CRPPA: variants seen among roughly 807,000 people sequenced by gnomAD.
CRPPA encodes the protein D-ribitol-5-phosphate cytidylyltransferase.
In CRPPA, 43 loss-of-function variants were observed where a neutral mutation model predicts 52.0. The observed-to-expected ratio is 0.83, with a 90% CI of 0.65 to 1.07. The LOEUF is 1.07. Ranked by LOEUF, CRPPA falls within the 50% of genes least tolerant of loss-of-function variation. The probability of loss-of-function intolerance (pLI) is 0.00; values close to 1 mark genes in which losing one functional copy is unlikely to be tolerated. For synonymous variants in CRPPA, 250 were observed against 203.5 expected, an observed-to-expected ratio of 1.23 and a Z score of -1.94; for missense variants, 629 against 551.7, an observed-to-expected ratio of 1.14 and a Z score of -1.40.
chr7:16,318,561 C>T (rs1785194864), intron 3 of CRPPA, among the ~76,000 whole-genome samples: 1 of 152,190 alleles, frequency 6.6e-6, no homozygotes, highest in African/African-American at 2.4e-5. Context: ...TCACTTCTCA[C>T]TCACACAGTT....
At chr7:16,164,316 T>C (rs1199316293) in intron 9 of CRPPA, among the ~76,000 whole-genome samples, 2 of 152,240 alleles carry the variant, frequency 1.3e-5, no homozygotes, top group Non-Finnish European at 2.9e-5. Flanking sequence ...AAGATACTTG[T>C]GTATGATTCA....
At chr7:16,099,000 C>G (rs1412151838) in intron 9 of CRPPA, among the ~76,000 whole-genome samples, 1 of 152,172 alleles carries the variant, frequency 6.6e-6, no homozygotes, top group Non-Finnish European at 1.5e-5. Context: ...CATCGCACAA[C>G]AGTTTTAGTC....
At chr7:16,356,683 C>A (rs892789600) in intron 3 of CRPPA, among the ~76,000 whole-genome samples, 1 of 152,210 alleles carries the variant, frequency 6.6e-6, no homozygotes, top group East Asian at 1.9e-4. Context: ...TTTACCCTTT[C>A]CACATCTGTC....
At chr7:16,387,072 T>TATATATATATATACACAC (rs1787302485) in intron 2 of CRPPA, among the ~76,000 whole-genome samples, 1 of 71,990 alleles carries the variant, frequency 1.4e-5, no homozygotes, top group African/African-American at 6.3e-5. Flanking sequence ...TATATATATA[T>TATATATATATATACACAC]ATATATATAT....
intron 3 of CRPPA, among the ~76,000 whole-genome samples, chr7:16,314,258 T>A (rs1439417963): frequency 6.6e-6 from 1 of 152,000 alleles, no homozygotes; most frequent in African/African-American, 2.4e-5. Flanking sequence ...GTAATGCCCC[T>A]TTAGTAAATG....
intron 3 of CRPPA, among the ~76,000 whole-genome samples, chr7:16,331,270 A>T (rs1785546881): frequency 6.6e-6 from 1 of 152,200 alleles, no homozygotes; most frequent in Non-Finnish European, 1.5e-5. Flanking sequence ...AAGTGCTGGG[A>T]TTACAGGCGT....
chr7:16,288,415 T>C (rs1784492773), intron 5 of CRPPA, among the ~76,000 whole-genome samples: 2 of 151,898 alleles, frequency 1.3e-5, no homozygotes, highest in Non-Finnish European at 2.9e-5. Context: ...TTAAAAAATA[T>C]CTTTAACATA....
chr7:16,382,759 T>G (rs566087905), intron 2 of CRPPA, among the ~76,000 whole-genome samples: 1 of 152,124 alleles, frequency 6.6e-6, no homozygotes, highest in Non-Finnish European at 1.5e-5. Context: ...CCATCGCTGA[T>G]ACCCTTTCTT....
At chr7:16,269,134 C>T (rs1011006656) in intron 6 of CRPPA, 1 of 152,196 alleles carries the variant, frequency 6.6e-6, no homozygotes, top group Non-Finnish European at 1.5e-5. Flanking sequence ...GTTCATCATG[C>T]TCTCATCTTT....
chr7:16,229,526 A>G (rs1782736683), intron 8 of CRPPA, among the ~76,000 whole-genome samples: 1 of 142,684 alleles, frequency 7.0e-6, no homozygotes, highest in Non-Finnish European at 1.6e-5. Flanking sequence ...TGATTTTAAC[A>G]ACAAAAACAC....
chr7:16,094,950 C>T (rs529351543), intron 9 of CRPPA, among the ~76,000 whole-genome samples: 1 of 152,144 alleles, frequency 6.6e-6, no homozygotes, highest in East Asian at 1.9e-4. Context: ...AACAGAAAAA[C>T]ACATTAGGTA....
intron 3 of CRPPA, among the ~76,000 whole-genome samples, chr7:16,322,091 T>C (rs1785277520): frequency 6.6e-6 from 1 of 152,134 alleles, no homozygotes; most frequent in Admixed American, 6.6e-5. Flanking sequence ...ATTCCTGATT[T>C]TAAGTCACTC....
Position 16,418,217 on chromosome 7 carries a change from C to T in CRPPA, c.257+2849G>A, listed in dbSNP as rs548431324. On this transcript the variant is annotated intron_variant, in intron 1 of 9. Transcript: ENST00000407010. ...CTTTCTAAGGACTTCCTAGGATATA[C>T]CCAAAATATAATCATGTTCCATAAG... 7.9e-5 allele frequency among the ~76,000 whole-genome samples: 12 copies of T among 152,190 alleles called. No individual in the cohort carries two copies. The East Asian group carries it at 1.5e-3, about 20-fold the overall frequency.
rs535483466 is a variant in CRPPA, at chr7:16,132,304, A to G, written c.1252-40505T>C. 2.4e-5 allele frequency among the ~76,000 whole-genome samples: 3 copies of G among 125,172 alleles called. 1 individual carries two copies. Among genetic ancestry groups the G allele is most frequent in the African/African-American group, 7.8e-5 (3 of 38,664 alleles). 82.1% of individuals were successfully genotyped at this position (125,172 alleles called of 152,430 possible). On this transcript the variant is annotated intron_variant, in intron 9 of 9. Transcript: ENST00000407010. The stretch of plus-strand genomic sequence containing the variant: ...CATTATTGTATTTTGGAAACATATA[A>G]CATGTTTGTTTCACAGGTTCCCAGC...
chr7:16,092,761 C>T (rs146207102), intron 9 of CRPPA, among the ~76,000 whole-genome samples: 150 of 152,270 alleles, frequency 9.9e-4, no homozygotes, highest in Middle Eastern at 3.4e-3. Context: ...TACTTTTAAA[C>T]CTCAGGATAA....
intron 2 of CRPPA, among the ~76,000 whole-genome samples, chr7:16,396,005 G>C (rs1223590144): frequency 6.6e-6 from 1 of 152,106 alleles, no homozygotes; most frequent in African/African-American, 2.4e-5. Context: ...CTTGGTCCAG[G>C]CAATTTACCC....
chr7:16,311,395 T>C (rs2128425363), intron 3 of CRPPA, among the ~76,000 whole-genome samples: 1 of 152,220 alleles, frequency 6.6e-6, no homozygotes, highest in African/African-American at 2.4e-5. Flanking sequence ...GCCTCCATAA[T>C]TTGTCTTTTC....
chr7:16,122,959 A>C (rs2128370337), intron 9 of CRPPA, among the ~76,000 whole-genome samples: 1 of 152,202 alleles, frequency 6.6e-6, no homozygotes. Context: ...TATGGCATAT[A>C]GAAGGAATCA....
intron 2 of CRPPA, among the ~76,000 whole-genome samples, chr7:16,386,170 G>A (rs894804748): frequency 3.5e-5 from 4 of 114,394 alleles, no homozygotes; most frequent in African/African-American, 8.6e-5. Context: ...AGAGGGATGG[G>A]GTGGGAAGAT....
Sources: gnomAD v4.1 joint callset for allele counts (sites outside exome capture counted in the v4.1 genomes callset) on GRCh38, gnomAD v4.1.1 for gene constraint, MANE v1.5 for transcripts, NCBI Gene and HGNC (gene_info 2026-07-23, HGNC 2026-07-21) for gene names.